DCAF16: variants seen among roughly 807,000 people sequenced by gnomAD.
DCAF16 encodes the protein DDB1- and CUL4-associated factor 16.
Under a neutral mutation model 17.3 loss-of-function variants are expected in DCAF16, and 10 were observed. The ratio of observed to expected loss-of-function variants is 0.58; its 90% confidence interval spans 0.36 to 0.98. The LOEUF is 0.98. Ranked by LOEUF, DCAF16 falls within the 50% of genes least tolerant of loss-of-function variation. The pLI, the probability that DCAF16 is intolerant of heterozygous loss-of-function variation, is 0.01. For synonymous variants in DCAF16, 111 were observed against 92.8 expected, an observed-to-expected ratio of 1.20 and a Z score of -1.12; for missense variants, 249 against 247.6, an observed-to-expected ratio of 1.01 and a Z score of -0.04.
chr4:17,805,236 A>G lies in DCAF16; in HGVS notation c.-749-11T>C, dbSNP rs1342853652. On this transcript the variant is annotated splice_polypyrimidine_tract_variant and intron_variant, in intron 1 of 2. Transcript: ENST00000382247. ...CCAATTCTATATAAGCTGTTCCACA[A>G]AAAAGAAAAAAGCATGAAAACTGAC... The G allele has an allele frequency of 6.6e-6, 1 of 152,090 alleles. No homozygotes were observed. 9.4% of individuals were successfully genotyped at this position (152,090 alleles called of 1,614,324 possible).
chr4:17,795,751 T>C (rs1174497901), downstream of DCAF16, among the ~76,000 whole-genome samples: 1 of 152,240 alleles, frequency 6.6e-6, no homozygotes. Context: ...TCATCTTTCA[T>C]GTTGAAGGTT....
At chr4:17,810,176 A>G (rs1257274773) in intron 1 of DCAF16, among the ~76,000 whole-genome samples, 1 of 152,204 alleles carries the variant, frequency 6.6e-6, no homozygotes, top group Non-Finnish European at 1.5e-5. Flanking sequence ...TTCATTTAAA[A>G]TTTAAAAACC....
In DCAF16 at chr4:17,805,154, G is replaced by A. The variant is rs1720208052; in HGVS notation, c.-678C>T. ...TAGTTTTAGGGGGCCTGTCCTGGTGGTAGAGCTGCTAGATGTTAGGACTCT... is the reference window on the plus strand; with the variant it reads ...TAGTTTTAGGGGGCCTGTCCTGGTGATAGAGCTGCTAGATGTTAGGACTCT... On this transcript the variant is annotated 5_prime_UTR_variant, in exon 2 of 3. Coordinates refer to ENST00000382247, the MANE Select transcript of DCAF16 (RefSeq NM_017741.4). The A allele has an allele frequency of 6.6e-6, 1 of 150,624 alleles. No homozygotes were observed. 9.3% of individuals were successfully genotyped at this position (150,624 alleles called of 1,614,324 possible). A position where few individuals can be genotyped will look rare whatever the true frequency, so the allele number is the denominator to read the frequency against.
Position 17,803,861 on chromosome 4 carries a change from C to A in DCAF16, c.281G>T (p.Gly94Val). The A allele has an allele frequency of 1.2e-6, 2 of 1,614,184 alleles. No individual in the cohort carries two copies. The highest frequency in any genetic ancestry group is 2.2e-5 in the South Asian group (2 of 91,088). The change falls in exon 3 of 3, where the codon GGT (glycine) becomes GTT (valine). Residue 94 changes from glycine (G) to valine (V), a missense_variant. Coordinates refer to ENST00000382247, the MANE Select transcript of DCAF16 (RefSeq NM_017741.4). ...STPVHILREI[G>V]LRLSHCSHCV... ...ATGGGAACAATGGGAGAGTCTTAGA[C>A]CTATCTCTCGAAGTATATGGACTGG...
chr4:17,803,401 T>G lies in DCAF16; in HGVS notation c.*90A>C. ...TTGCCAGGGCATAAGAGAGTTTGAC[T>G]GAGAAGGCATTAGTGGGCTGTGTAA... On this transcript the variant is annotated 3_prime_UTR_variant, in exon 3 of 3. Transcript: ENST00000382247. 1.6e-6 allele frequency: 2 copies of G among 1,236,804 alleles called. No homozygotes were observed. The highest frequency in any genetic ancestry group is 2.3e-6 in the Non-Finnish European group (2 of 863,972). The allele number at this position is 1,236,804 out of a possible 1,614,324, so 76.6% of individuals were successfully genotyped here.
chr4:17,806,605 C>G (rs1185487020), intron 1 of DCAF16, among the ~76,000 whole-genome samples: 1 of 152,096 alleles, frequency 6.6e-6, no homozygotes, highest in Non-Finnish European at 1.5e-5. Context: ...TTGGATGGAA[C>G]AAATATCATA....
rs1455913176 is a variant in DCAF16 at position 17,800,777 on chromosome 4, G to C, written c.*2714C>G. 1 of 152,472 alleles carries C rather than the reference G, an allele frequency of 6.6e-6. No individual in the cohort carries two copies. Among genetic ancestry groups the C allele is most frequent in the Non-Finnish European group, 1.5e-5 (1 of 68,002 alleles). The allele number at this position is 152,472 out of a possible 1,614,324, so 9.4% of individuals were successfully genotyped here. ...TTTTATACACACACAGAGAGAAAAAGGAACGTATTATGAACACATGAACAT... is the reference window on the plus strand; with the variant it reads ...TTTTATACACACACAGAGAGAAAAACGAACGTATTATGAACACATGAACAT... On this transcript the variant is annotated 3_prime_UTR_variant, in exon 3 of 3. Coordinates refer to ENST00000382247, the MANE Select transcript of DCAF16 (RefSeq NM_017741.4).
Position 17,801,326 on chromosome 4 carries a change from A to C in DCAF16, c.*2165T>G, listed in dbSNP as rs1276115764. 1 of 151,994 alleles carries C rather than the reference A, an allele frequency of 6.6e-6. No homozygotes were observed. The highest frequency in any genetic ancestry group is 1.5e-5 in the Non-Finnish European group (1 of 68,008). The allele number at this position is 151,994 out of a possible 1,614,324, so 9.4% of individuals were successfully genotyped here. ...ATATTTTTAGTAGAGATGGGCTTTC[A>C]CCATGTTGGCCAGGCTGGTCACGAA... On this transcript the variant is annotated 3_prime_UTR_variant, in exon 3 of 3. Transcript: ENST00000382247.
chr4:17,800,305 C>T (rs1719650840), downstream of DCAF16, among the ~76,000 whole-genome samples: 1 of 152,118 alleles, frequency 6.6e-6, no homozygotes, highest in Non-Finnish European at 1.5e-5. Context: ...CTGCATTTAA[C>T]AGAAGCCAAC....
downstream of DCAF16, among the ~76,000 whole-genome samples, chr4:17,799,993 C>A (rs1719622298): frequency 6.6e-6 from 1 of 151,796 alleles, no homozygotes. Context: ...ACTAAAAATA[C>A]AAAATTAGCT....
downstream of DCAF16, among the ~76,000 whole-genome samples, chr4:17,800,078 A>G (rs1235487461): frequency 1.4e-5 from 2 of 142,846 alleles, no homozygotes; most frequent in African/African-American, 5.2e-5. Flanking sequence ...CGGGAGGTGG[A>G]GGTTGCAGTG....
chr4:17,799,878 G>A (rs188542081), downstream of DCAF16, among the ~76,000 whole-genome samples: 363 of 152,164 alleles, frequency 2.4e-3, 1 homozygote, highest in African/African-American at 7.8e-3. Flanking sequence ...GGCTGGGCAC[G>A]GTGGCTCATG....
In DCAF16 at chr4:17,804,230, G is replaced by T; in HGVS notation, c.-89C>A. On this transcript the variant is annotated 5_prime_UTR_variant, in exon 3 of 3. Transcript: ENST00000382247. ...ACACTGGCAAATAGAAATAAGAGATGAAAAATCCTTTCACCAAGATTAATT... is the reference window on the plus strand; with the variant it reads ...ACACTGGCAAATAGAAATAAGAGATTAAAAATCCTTTCACCAAGATTAATT... The T allele has an allele frequency of 8.9e-7, 1 of 1,127,968 alleles. No homozygotes were observed. The highest frequency in any genetic ancestry group is 1.6e-5 in the South Asian group (1 of 64,512). 69.9% of individuals were successfully genotyped at this position (1,127,968 alleles called of 1,614,324 possible). A position where few individuals can be genotyped will look rare whatever the true frequency, so the allele number is the denominator to read the frequency against.
Position 17,801,108 on chromosome 4 carries a change from T to C in DCAF16, c.*2383A>G, listed in dbSNP as rs964664449. The C allele has an allele frequency of 6.6e-6, 1 of 152,136 alleles. No homozygotes were observed. Among genetic ancestry groups the C allele is most frequent in the African/African-American group, 2.4e-5 (1 of 41,422 alleles). 9.4% of individuals were successfully genotyped at this position (152,136 alleles called of 1,614,324 possible). A position where few individuals can be genotyped will look rare whatever the true frequency, so the allele number is the denominator to read the frequency against. On this transcript the variant is annotated 3_prime_UTR_variant, in exon 3 of 3. Coordinates refer to ENST00000382247, the MANE Select transcript of DCAF16 (RefSeq NM_017741.4). ...TTCTTCTCTCTTCTTAAAGTTGCTA[T>C]ATATTTACACAATTTGTGATTCCTA...
At chr4:17,808,810 C>G (rs1720562853) in intron 1 of DCAF16, among the ~76,000 whole-genome samples, 1 of 152,182 alleles carries the variant, frequency 6.6e-6, no homozygotes, top group African/African-American at 2.4e-5. Context: ...GGGTGGATCA[C>G]CTGAGGTCAG....
At chr4:17,805,067 A>G (rs989380908) in intron 2 of DCAF16, 40 bp downstream of exon 2, 2 of 151,554 alleles carry the variant, frequency 1.3e-5, no homozygotes, top group African/African-American at 4.9e-5. Flanking sequence ...CCAAACTCCA[A>G]ATAGAGAGCT....
the DCAF16 span, among the ~76,000 whole-genome samples, chr4:17,793,570 A>T: frequency 1.3e-5 from 2 of 152,182 alleles, no homozygotes; most frequent in East Asian, 1.9e-4. Context: ...AAAAAAGAAG[A>T]AGTACATTGC....
Position 17,803,940 on chromosome 4 carries a change from G to C in DCAF16, c.202C>G (p.Pro68Ala). 3.7e-6 allele frequency: 6 copies of C among 1,614,108 alleles called. No homozygotes were observed. The highest frequency in any genetic ancestry group is 5.1e-6 in the Non-Finnish European group (6 of 1,180,018). Residue 68 changes from proline to alanine, a missense_variant, in exon 3 of 3, where the codon CCT becomes GCT. By Grantham distance (27) the Pro-to-Ala change is conservative (BLOSUM62 -1). Coordinates refer to ENST00000382247, the MANE Select transcript of DCAF16 (RefSeq NM_017741.4). The stretch of plus-strand genomic sequence containing the variant: ...TACAACCAGGAATTAGGATTTAAAG[G>C]TTTCCAAGTTGTGGAATATTTTAAA... Reference protein sequence around the residue: ...CLLKYSTTWKPLNPNSWLYHA... With the variant: ...CLLKYSTTWKALNPNSWLYHA...
intron 1 of DCAF16, among the ~76,000 whole-genome samples, chr4:17,808,709 T>C (rs546163647): frequency 1.3e-5 from 2 of 152,236 alleles, no homozygotes; most frequent in South Asian, 4.1e-4. Flanking sequence ...ATGTCTCTGT[T>C]GGTGAGACAG....
Sources: allele counts gnomAD v4.1 joint callset (sites outside exome capture counted in the v4.1 genomes callset), GRCh38; gene constraint gnomAD v4.1.1; transcripts MANE v1.5; gene names NCBI Gene and HGNC (gene_info 2026-07-23, HGNC 2026-07-21).